Variants in AGTPBP1 observed in about 807,000 individuals in gnomAD.
The protein encoded by AGTPBP1 is cytosolic carboxypeptidase 1.
In AGTPBP1, 70 loss-of-function variants were observed where a neutral mutation model predicts 143.9. The ratio of observed to expected loss-of-function variants is 0.49; its 90% confidence interval spans 0.40 to 0.59. The LOEUF is 0.59. AGTPBP1 is among the 20% of genes least tolerant of loss of function. The probability of loss-of-function intolerance (pLI) is 0.00; values close to 1 mark genes in which losing one functional copy is unlikely to be tolerated. For missense variants in AGTPBP1, 1,229 were observed against 1,464.5 expected (o/e 0.84, Z 2.62); for synonymous variants, 463 against 500.2 (o/e 0.93, Z 0.99).
At chr9:85,788,749 CATGAT>C in the AGTPBP1 span, among the ~76,000 whole-genome samples, 3 of 149,470 alleles carry the variant, frequency 2.0e-5, no homozygotes, top group Non-Finnish European at 4.4e-5. Flanking sequence ...GATTTTATAT[CATGAT>C]ATATCATTAT....
chr9:85,757,714 G>C, the AGTPBP1 span, among the ~76,000 whole-genome samples: 1 of 151,774 alleles, frequency 6.6e-6, no homozygotes. Flanking sequence ...AAAAATAACA[G>C]TTTTAGAGAG....
At chr9:85,652,070 T>C (rs909519607) in intron 11 of AGTPBP1, among the ~76,000 whole-genome samples, 2 of 152,160 alleles carry the variant, frequency 1.3e-5, no homozygotes, top group South Asian at 2.1e-4. Context: ...GATCAAGGCA[T>C]GATCAGACAG....
the AGTPBP1 span, among the ~76,000 whole-genome samples, chr9:85,801,344 T>C: frequency 0.065 from 9,914 of 152,144 alleles, 1,051 homozygotes; most frequent in African/African-American, 0.22. Context: ...TTTGTGTGTA[T>C]ACAGTAGATG....
In AGTPBP1 at chr9:85,585,532, G is replaced by A. The variant is rs546415318; in HGVS notation, c.3096C>T (p.Ile1032=). The part of the protein sequence containing the change: ...KKNVFMYGCS[I]KETVWHTNDN... The stretch of plus-strand genomic sequence containing the variant: ...CATTGGTATGCCACACTGTCTCTTT[G>A]ATGCTGCAACCATACATAAATACAT... The change falls in exon 23 of 26, where the codon ATC becomes ATT. Residue 1032 remains isoleucine, a synonymous_variant. Coordinates refer to ENST00000357081, the MANE Select transcript of AGTPBP1 (RefSeq NM_001330701.2). The A allele has an allele frequency of 1.9e-6, 3 of 1,611,248 alleles. No individual in the cohort carries two copies. The highest frequency in any genetic ancestry group is 2.5e-6 in the Non-Finnish European group (3 of 1,178,750).
chr9:85,603,369 C>T lies in AGTPBP1; in HGVS notation c.2336-6920G>A, dbSNP rs545802537. ...AGGCAGAGTCCTGAGGCCACCATTA[C>T]AGGCCCCAGGCCCCAGGTGACATTT... On this transcript the variant is annotated intron_variant, in intron 17 of 25. Transcript: ENST00000357081. Among the ~76,000 whole-genome samples the T allele has an allele frequency of 3.8e-4, 58 of 152,226 alleles. 1 individual carries two copies. The South Asian group carries it at 0.01, about 27-fold the overall frequency.
intron 6 of AGTPBP1, among the ~76,000 whole-genome samples, chr9:85,674,887 C>G (rs904315727): frequency 6.6e-6 from 1 of 151,990 alleles, no homozygotes; most frequent in Non-Finnish European, 1.5e-5. Context: ...ATGCCACAGG[C>G]AAAGGCAAAA....
intron 17 of AGTPBP1, among the ~76,000 whole-genome samples, chr9:85,615,390 A>G (rs1830550061): frequency 6.6e-6 from 1 of 152,158 alleles, no homozygotes; most frequent in Non-Finnish European, 1.5e-5. Context: ...AAGACAGCTT[A>G]TAATTTTGAA....
chr9:85,713,708 T>G (rs548050595), intron 1 of AGTPBP1, among the ~76,000 whole-genome samples: 15 of 152,328 alleles, frequency 9.8e-5, no homozygotes, highest in African/African-American at 3.6e-4. Context: ...ATGTTTGTCT[T>G]CAATAACAGA....
intron 8 of AGTPBP1, among the ~76,000 whole-genome samples, chr9:85,665,071 G>A (rs529527200): frequency 2.0e-5 from 3 of 152,276 alleles, no homozygotes; most frequent in East Asian, 3.9e-4. Flanking sequence ...ACTGTTATGG[G>A]TTGAATTGTG....
chr9:85,640,728 A>C (rs1012518924), intron 13 of AGTPBP1, among the ~76,000 whole-genome samples: 2 of 107,192 alleles, frequency 1.9e-5, no homozygotes, highest in African/African-American at 5.7e-5. Flanking sequence ...CATAGAATGC[A>C]AGACAACTCA....
intron 4 of AGTPBP1, among the ~76,000 whole-genome samples, chr9:85,679,915 G>GTAT (rs1396472490): frequency 6.6e-6 from 1 of 151,808 alleles, no homozygotes; most frequent in Non-Finnish European, 1.5e-5. Context: ...TCTTTCTCTA[G>GTAT]TATTATGATT....
the AGTPBP1 span, among the ~76,000 whole-genome samples, chr9:85,779,248 T>TATAGATATAG: frequency 1.4e-5 from 2 of 139,560 alleles, no homozygotes; most frequent in East Asian, 2.2e-4. Flanking sequence ...TATAGATATC[T>TATAGATATAG]ATATAAATAT....
At chr9:85,760,386 C>A in the AGTPBP1 span, among the ~76,000 whole-genome samples, 1 of 152,278 alleles carries the variant, frequency 6.6e-6, no homozygotes, top group Admixed American at 6.5e-5. Context: ...TATTGGCAAA[C>A]CAAATCCAGC....
At chr9:85,621,378 A>G (rs1830925390) in intron 14 of AGTPBP1, 93 bp from the exon 15 acceptor site, 2 of 494,740 alleles carry the variant, frequency 4.0e-6, no homozygotes, top group Non-Finnish European at 6.5e-6. Context: ...GTGCATGATA[A>G]AAATTTCTTA....
intron 25 of AGTPBP1, among the ~76,000 whole-genome samples, chr9:85,547,766 T>C (rs112566320): frequency 1.3e-5 from 2 of 152,186 alleles, no homozygotes; most frequent in Non-Finnish European, 2.9e-5. Context: ...AAACAGCCCA[T>C]ATACCCACCC....
At position 85,585,543 on chromosome 9, in the gene AGTPBP1, C is replaced by A; in HGVS notation, c.3085G>T (p.Gly1029Cys). Reference sequence around the variant, plus strand: ...CACACTGTCTCTTTGATGCTGCAACCATACATAAATACATTCTTCTTTCGG... The same window carrying A: ...CACACTGTCTCTTTGATGCTGCAACAATACATAAATACATTCTTCTTTCGG... ...HSRKKNVFMY[G>C]CSIKETVWHT... Residue 1029 changes from glycine (G) to cysteine (C), a missense_variant, in exon 23 of 26, where the codon GGT (glycine) becomes TGT (cysteine). By Grantham distance (159) the Gly-to-Cys change is radical. This residue lies in a region of AGTPBP1 where 486 missense variants were observed against 652.3 expected (regional missense o/e 0.75). Transcript: ENST00000357081. 2 of 1,610,504 alleles carry A rather than the reference C, an allele frequency of 1.2e-6. No individual in the cohort carries two copies. The highest frequency in any genetic ancestry group is 1.7e-6 in the Non-Finnish European group (2 of 1,178,376).
Position 85,579,012 on chromosome 9 carries a change from T to C in AGTPBP1, c.3250A>G (p.Thr1084Ala). ...TCCCTCCAAACTACAACACGTGCTG[T>C]GGATTCTTTAGATTTTTCCACTACG... is the stretch of plus-strand genomic sequence containing the variant. Reference protein sequence around the residue: ...SFVVEKSKESTARVVVWREIG... With the variant: ...SFVVEKSKESAARVVVWREIG... Residue 1084 changes from threonine to alanine, a missense_variant, in exon 24 of 26, where the codon ACA (threonine) becomes GCA (alanine). Physicochemically the swap from Thr to Ala is moderately conservative, Grantham distance 58 (BLOSUM62 0). Around this residue, in one of 2 missense-constraint regions of AGTPBP1, gnomAD observed 486 missense variants for 652.3 expected, o/e 0.75. Transcript: ENST00000357081. The C allele has an allele frequency of 6.2e-7, 1 of 1,612,076 alleles. No individual in the cohort carries two copies. The highest frequency in any genetic ancestry group is 8.5e-7 in the Non-Finnish European group (1 of 1,179,352).
intron 1 of AGTPBP1, among the ~76,000 whole-genome samples, chr9:85,716,677 A>G (rs550054925): frequency 6.6e-6 from 1 of 152,330 alleles, no homozygotes; most frequent in South Asian, 2.1e-4. Context: ...CAATGTCACT[A>G]GTCTCCCTTC....
the AGTPBP1 span, among the ~76,000 whole-genome samples, chr9:85,771,939 G>A: frequency 3.4e-3 from 518 of 151,414 alleles, 3 homozygotes; most frequent in South Asian, 0.011. Context: ...GATTACAGGC[G>A]TGAGCCACCG....
Sources: allele counts gnomAD v4.1 joint callset (sites outside exome capture counted in the v4.1 genomes callset), GRCh38; gene constraint gnomAD v4.1.1; regional missense constraint gnomAD v4.1.1; transcripts MANE v1.5; gene names NCBI Gene and HGNC (gene_info 2026-07-23, HGNC 2026-07-21).